KIAA2012: variants seen among roughly 807,000 people sequenced by gnomAD.
KIAA2012 encodes the protein uncharacterized protein KIAA2012.
A neutral mutation model predicts 150.6 loss-of-function variants in KIAA2012; 125 were observed. That is an observed-to-expected ratio of 0.83 (90% CI 0.72 to 0.96). KIAA2012 has a LOEUF of 0.96. KIAA2012 is among the 40% of genes least tolerant of loss of function. KIAA2012 has a pLI of 0.00. For missense variants in KIAA2012, 1,219 were observed against 1,354.9 expected, an observed-to-expected ratio of 0.90 and a Z score of 1.57; for synonymous variants, 462 against 504.7, an observed-to-expected ratio of 0.92 and a Z score of 1.13.
intron 2 of KIAA2012, among the ~76,000 whole-genome samples, chr2:202,077,586 C>T (rs765135825): frequency 3.9e-4 from 60 of 152,024 alleles, no homozygotes; most frequent in Admixed American, 2.6e-4. Context: ...GAAAAGAAAA[C>T]GTATGGAAGA....
At chr2:202,190,110 G>A (rs1008795591) in intron 18 of KIAA2012, 64 bp from the exon 19 acceptor site, 4 of 1,329,612 alleles carry the variant, frequency 3.0e-6, no homozygotes, top group Non-Finnish European at 1.0e-6. Flanking sequence ...TTACTAAAAA[G>A]GATGTATAGT....
chr2:202,098,394 T>A (rs1026142734), intron 5 of KIAA2012, among the ~76,000 whole-genome samples: 9 of 152,074 alleles, frequency 5.9e-5, no homozygotes, highest in African/African-American at 2.2e-4. Context: ...CATAGGCAAA[T>A]ACACTGGGGA....
chr2:202,176,201 ATC>A (rs757471651), intron 15 of KIAA2012, among the ~76,000 whole-genome samples: 9 of 143,438 alleles, frequency 6.3e-5, no homozygotes, highest in African/African-American at 2.3e-4. Context: ...TTATTGATAA[ATC>A]TTTTTTTTTT....
At chr2:202,089,405 C>CTGGT (rs1689661892) in intron 2 of KIAA2012, among the ~76,000 whole-genome samples, 2 of 152,322 alleles carry the variant, frequency 1.3e-5, no homozygotes, top group Admixed American at 1.3e-4. Flanking sequence ...TGACATCAAG[C>CTGGT]TGGTTCATGG....
intron 14 of KIAA2012, among the ~76,000 whole-genome samples, chr2:202,157,403 G>A (rs534334697): frequency 3.9e-4 from 59 of 152,276 alleles, no homozygotes; most frequent in African/African-American, 1.3e-3. Context: ...CTGCCTGTCC[G>A]CAGGGCATGT....
intron 13 of KIAA2012, among the ~76,000 whole-genome samples, chr2:202,148,126 C>T (rs1241522178): frequency 2.6e-5 from 4 of 152,164 alleles, no homozygotes; most frequent in Non-Finnish European, 5.9e-5. Flanking sequence ...ATAGTAGAAG[C>T]TCTGGAATGA....
chr2:202,148,001 A>G (rs1203046464), intron 13 of KIAA2012, among the ~76,000 whole-genome samples: 1 of 152,150 alleles, frequency 6.6e-6, no homozygotes, highest in Non-Finnish European at 1.5e-5. Flanking sequence ...TTTGGCTTGA[A>G]ATTTTTCTCC....
At chr2:202,177,621 A>T (rs4513273) in intron 15 of KIAA2012, among the ~76,000 whole-genome samples, 2 of 151,860 alleles carry the variant, frequency 1.3e-5, no homozygotes, top group African/African-American at 4.8e-5. Context: ...TCCTGGACTC[A>T]CACTATCCAC....
chr2:202,192,000 A>G (rs1692332814), intron 19 of KIAA2012, among the ~76,000 whole-genome samples: 1 of 152,132 alleles, frequency 6.6e-6, no homozygotes, highest in African/African-American at 2.4e-5. Flanking sequence ...ATTATTATCT[A>G]TTTACTTATT....
intron 22 of KIAA2012, chr2:202,201,606 A>G: frequency 6.2e-7 from 1 of 1,609,958 alleles, no homozygotes; most frequent in East Asian, 2.2e-5. Flanking sequence ...GATGGGACCA[A>G]CTGGATAATA....
intron 4 of KIAA2012, 36 bp downstream of exon 4, chr2:202,093,221 TTC>T: frequency 6.5e-7 from 1 of 1,543,614 alleles, no homozygotes; most frequent in Admixed American, 2.0e-5. Flanking sequence ...TTATGACCAG[TTC>T]TCAGATATTT....
At position 202,073,561 on chromosome 2, in the gene KIAA2012, T is replaced by A. The variant is rs1234955005; in HGVS notation, c.-67T>A. The A allele has an allele frequency of 2.2e-6, 3 of 1,369,898 alleles. No homozygotes were observed. The highest frequency in any genetic ancestry group is 3.0e-6 in the Non-Finnish European group (3 of 987,698). 84.9% of individuals were successfully genotyped at this position (1,369,898 alleles called of 1,614,324 possible). On this transcript the variant is annotated 5_prime_UTR_variant, in exon 1 of 24. Transcript: ENST00000498697. ...GCTGTGAGCTCTGGAAATCTTGAGGTGTGACCAGATTTCAGCCTTCAAAAC... is the reference window on the plus strand; with the variant it reads ...GCTGTGAGCTCTGGAAATCTTGAGGAGTGACCAGATTTCAGCCTTCAAAAC...
intron 12 of KIAA2012, among the ~76,000 whole-genome samples, chr2:202,128,023 C>A (rs1210016441): frequency 2.0e-5 from 3 of 152,082 alleles, no homozygotes; most frequent in Admixed American, 1.3e-4. Flanking sequence ...CTGACTTTTA[C>A]CCCTTGTCCT....
intron 4 of KIAA2012, among the ~76,000 whole-genome samples, chr2:202,093,619 A>AAT (rs1029327641): frequency 2.6e-5 from 4 of 152,214 alleles, no homozygotes; most frequent in African/African-American, 7.2e-5. Context: ...TATGATGTGA[A>AAT]ATATATATAT....
intron 5 of KIAA2012, among the ~76,000 whole-genome samples, chr2:202,098,478 CAT>C (rs1559202824): frequency 6.6e-6 from 1 of 152,236 alleles, no homozygotes; most frequent in East Asian, 1.9e-4. Flanking sequence ...AGTTCTATAA[CAT>C]AGTCACCAGC....
At chr2:202,114,892 T>TTGAATGAATGAA (rs57682061) in intron 11 of KIAA2012, 3 of 166,154 alleles carry the variant, frequency 1.8e-5, no homozygotes, top group African/African-American at 4.8e-5. Flanking sequence ...TGCATGCTTA[T>TTGAATGAATGAA]TGAATGAATG....
intron 11 of KIAA2012, among the ~76,000 whole-genome samples, chr2:202,124,914 C>A (rs1347317586): frequency 6.6e-6 from 1 of 151,990 alleles, no homozygotes; most frequent in Non-Finnish European, 1.5e-5. Flanking sequence ...ACTAAAAATC[C>A]AAAAAATTAG....
intron 10 of KIAA2012, among the ~76,000 whole-genome samples, chr2:202,111,031 C>T (rs1690335274): frequency 6.6e-6 from 1 of 152,146 alleles, no homozygotes; most frequent in Non-Finnish European, 1.5e-5. Context: ...CCCCTTTATA[C>T]TTGTGTGACA....
At chr2:202,174,265 A>C (rs534528568) in intron 15 of KIAA2012, among the ~76,000 whole-genome samples, 137 of 152,250 alleles carry the variant, frequency 9.0e-4, no homozygotes, top group African/African-American at 3.1e-3. Flanking sequence ...GCGCCTGGCC[A>C]AGAAGCATTC....
Sources: gnomAD v4.1 joint callset for allele counts (sites outside exome capture counted in the v4.1 genomes callset) on GRCh38, gnomAD v4.1.1 for gene constraint, MANE v1.5 for transcripts, NCBI Gene and HGNC (gene_info 2026-07-23, HGNC 2026-07-21) for gene names.